Variants in DYM observed in about 807,000 individuals in gnomAD.
The protein encoded by DYM is dymeclin.
A neutral mutation model predicts 93.1 loss-of-function variants in DYM; 78 were observed. The ratio of observed to expected loss-of-function variants is 0.84; its 90% CI spans 0.70 to 1.01. The LOEUF is 1.01. DYM is among the 50% of genes least tolerant of loss of function. The pLI is 0.00. For synonymous variants in DYM, 321 were observed against 319.7 expected (o/e 1.00, Z -0.04); for missense variants, 789 against 845.0 (o/e 0.93, Z 0.82).
intron 13 of DYM, among the ~76,000 whole-genome samples, chr18:49,215,928 G>A (rs1397364877): frequency 1.3e-5 from 2 of 152,136 alleles, no homozygotes; most frequent in African/African-American, 4.8e-5. Context: ...GCACCGTGCG[G>A]GAGCCGAAGC....
At chr18:49,215,896 G>C (rs915202790) in intron 13 of DYM, among the ~76,000 whole-genome samples, 5 of 152,228 alleles carry the variant, frequency 3.3e-5, no homozygotes, top group African/African-American at 1.2e-4. Context: ...CCAGACAGTG[G>C]GTGCAGGACA....
intron 8 of DYM, among the ~76,000 whole-genome samples, chr18:49,294,928 A>C (rs2060425336): frequency 6.6e-6 from 1 of 152,212 alleles, no homozygotes; most frequent in Admixed American, 6.5e-5. Flanking sequence ...CAGATAGCAG[A>C]GATGTATAAA....
At chr18:49,358,958 T>C (rs2065795090) in intron 6 of DYM, among the ~76,000 whole-genome samples, 1 of 152,240 alleles carries the variant, frequency 6.6e-6, no homozygotes, top group African/African-American at 2.4e-5. Context: ...GATGGGTCTA[T>C]ACGGCATCAC....
At chr18:49,292,470 A>G (rs111948697) in intron 8 of DYM, among the ~76,000 whole-genome samples, 2,273 of 151,664 alleles carry the variant, frequency 0.015, 59 homozygotes, top group African/African-American at 0.052. Flanking sequence ...CACTGCCTAC[A>G]TTACAGTTTA....
intron 17 of DYM, among the ~76,000 whole-genome samples, chr18:49,071,265 C>T (rs1016091223): frequency 1.3e-5 from 2 of 152,162 alleles, no homozygotes; most frequent in Non-Finnish European, 2.9e-5. Flanking sequence ...AGTGAAATCC[C>T]TCTGATGCAT....
At chr18:49,409,376 T>C (rs1386274341) in intron 2 of DYM, among the ~76,000 whole-genome samples, 1 of 152,080 alleles carries the variant, frequency 6.6e-6, no homozygotes, top group African/African-American at 2.4e-5. Flanking sequence ...AGACACATGA[T>C]TGACTATATT....
chr18:49,066,344 G>C (rs1267936905), intron 17 of DYM, among the ~76,000 whole-genome samples: 2 of 152,178 alleles, frequency 1.3e-5, no homozygotes, highest in South Asian at 4.2e-4. Context: ...TTCTATCTGT[G>C]AATTTTATGT....
chr18:49,082,835 T>C (rs2078174718), intron 17 of DYM, among the ~76,000 whole-genome samples: 1 of 152,228 alleles, frequency 6.6e-6, no homozygotes, highest in Non-Finnish European at 1.5e-5. Flanking sequence ...GCTGAATACA[T>C]GTGCTGGGAG....
chr18:49,218,038 C>T (rs973342387), intron 13 of DYM, among the ~76,000 whole-genome samples: 1 of 151,408 alleles, frequency 6.6e-6, no homozygotes, highest in African/African-American at 2.4e-5. Flanking sequence ...CAAATAGGCT[C>T]AAAATAAAAG....
At chr18:49,356,358 A>G (rs1445574704) in intron 6 of DYM, among the ~76,000 whole-genome samples, 5 of 152,218 alleles carry the variant, frequency 3.3e-5, no homozygotes, top group Non-Finnish European at 7.3e-5. Flanking sequence ...TGTAAACTTA[A>G]TACGTAATAC....
chr18:49,117,240 T>C (rs763082888), intron 16 of DYM, among the ~76,000 whole-genome samples: 10 of 152,252 alleles, frequency 6.6e-5, no homozygotes, highest in Non-Finnish European at 1.3e-4. Context: ...TATTTTGCTA[T>C]AGCTGCAACC....
At chr18:49,098,633 A>G (rs907219267) in intron 16 of DYM, among the ~76,000 whole-genome samples, 1 of 152,180 alleles carries the variant, frequency 6.6e-6, no homozygotes, top group Non-Finnish European at 1.5e-5. Context: ...TTCTTTCTCA[A>G]GCAGTTTGCT....
chr18:49,255,451 G>A (rs2094372782), intron 13 of DYM, among the ~76,000 whole-genome samples: 1 of 152,080 alleles, frequency 6.6e-6, no homozygotes. Context: ...AAGGTGGGCG[G>A]ATCATGAGGT....
At chr18:49,208,860 G>A (rs1371192072) in intron 14 of DYM, 2 of 151,972 alleles carry the variant, frequency 1.3e-5, no homozygotes, top group African/African-American at 2.4e-5. Flanking sequence ...GCACAAAGTG[G>A]TAATGTCATA....
chr18:49,219,649 C>T (rs1367713424), intron 13 of DYM, among the ~76,000 whole-genome samples: 2 of 152,014 alleles, frequency 1.3e-5, no homozygotes, highest in Non-Finnish European at 2.9e-5. Context: ...GAGCCAAAGA[C>T]AAAAACCACA....
At chr18:49,337,537 C>T (rs2063762643) in intron 6 of DYM, among the ~76,000 whole-genome samples, 1 of 152,198 alleles carries the variant, frequency 6.6e-6, no homozygotes, top group Non-Finnish European at 1.5e-5. Context: ...AGAGCTGCTA[C>T]TGGTTTTCTC....
chr18:49,258,322 A>G, intron 12 of DYM, 58 bp downstream of exon 12: 1 of 1,240,252 alleles, frequency 8.1e-7, no homozygotes, highest in Non-Finnish European at 1.2e-6. Flanking sequence ...ATTGCTTTAA[A>G]CTATCGTCTT....
At chr18:49,078,083 G>A (rs1006016248) in intron 17 of DYM, among the ~76,000 whole-genome samples, 1 of 151,892 alleles carries the variant, frequency 6.6e-6, no homozygotes, top group African/African-American at 2.4e-5. Context: ...TTTTCTGTTG[G>A]CTTTTGAGCT....
chr18:49,186,932 T>G (rs1410863859), intron 14 of DYM, among the ~76,000 whole-genome samples: 1 of 110,374 alleles, frequency 9.1e-6, no homozygotes, highest in East Asian at 3.4e-4. Flanking sequence ...TTTTTTTTTT[T>G]TTTTTTTTTG....
Sources: allele counts gnomAD v4.1 joint callset (sites outside exome capture counted in the v4.1 genomes callset), GRCh38; gene constraint gnomAD v4.1.1; transcripts MANE v1.5; gene names NCBI Gene and HGNC (gene_info 2026-07-23, HGNC 2026-07-21).